The following STK17A variants were observed in gnomAD, a reference collection of about 807,000 sequenced individuals.
STK17A encodes the protein serine/threonine kinase 17a.
In STK17A, 26 loss-of-function variants were observed where a neutral mutation model predicts 43.7. The observed-to-expected ratio is 0.60, with a 90% confidence interval of 0.44 to 0.83. The LOEUF (loss-of-function observed/expected upper bound fraction) is 0.83, where lower values mean the gene tolerates loss of function less well. Ranked by LOEUF, STK17A falls within the 40% of genes least tolerant of loss-of-function variation. The pLI is 0.00. For missense variants in STK17A, 476 were observed against 511.6 expected (o/e 0.93, Z 0.67); for synonymous variants, 191 against 182.5 (o/e 1.05, Z -0.38).
rs1247326959 is a variant in STK17A at position 43,583,328 on chromosome 7, GGGCCGTGCC to G, written c.91_99del (p.Cys31_Pro33del). 8 of 1,450,302 alleles carry G rather than the reference GGGCCGTGCC, an allele frequency of 5.5e-6. No homozygotes were observed. The highest frequency in any genetic ancestry group is 7.3e-6 in the Non-Finnish European group (8 of 1,100,692). 89.8% of individuals were successfully genotyped at this position (1,450,302 alleles called of 1,614,324 possible). ...GGGCCGGGCAGGCCGGGGTCTGAGC[GGGCCGTGCC>G]GGCCGCCGCCGCCGCCCCAGGCCCG... On this transcript the variant is annotated inframe_deletion, in exon 1 of 7. Transcript: ENST00000319357.
At position 43,626,888 on chromosome 7, in the gene STK17A, CTT is replaced by C. The variant is rs2084610535; in HGVS notation, c.*2051_*2052del. 1 of 152,078 alleles carries C rather than the reference CTT, an allele frequency of 6.6e-6. No homozygotes were observed. Among genetic ancestry groups the C allele is most frequent in the Non-Finnish European group, 1.5e-5 (1 of 68,026 alleles). The allele number at this position is 152,078 out of a possible 1,614,324, so 9.4% of individuals were successfully genotyped here. A position where few individuals can be genotyped will look rare whatever the true frequency, so the allele number is the denominator to read the frequency against. ...TGCTTAAATACTGAGTCATAGGGTG[CTT>C]TTTTAAGAGGCCCTTCAGAATATAC... On this transcript the variant is annotated 3_prime_UTR_variant, in exon 7 of 7. Transcript: ENST00000319357.
In STK17A at chr7:43,583,118, C is replaced by T. The variant is rs544220399; in HGVS notation, c.-126C>T. ...GGTAGTCTGCCTGCCGCAGTCCGAG[C>T]GCCGCGCTGGGGAGAGCGGGTGTTT... On this transcript the variant is annotated 5_prime_UTR_variant, in exon 1 of 7. Transcript: ENST00000319357. 6.6e-5 allele frequency: 67 copies of T among 1,022,636 alleles called. No individual in the cohort carries two copies. The African/African-American group carries it at 1.2e-3, about 18-fold the overall frequency. The allele number at this position is 1,022,636 out of a possible 1,614,324, so 63.3% of individuals were successfully genotyped here. A position where few individuals can be genotyped will look rare whatever the true frequency, so the allele number is the denominator to read the frequency against.
chr7:43,619,413 G>A (rs902798918), intron 3 of STK17A, among the ~76,000 whole-genome samples, 184 bp from the exon 4 acceptor site: 2 of 152,188 alleles, frequency 1.3e-5, no homozygotes, highest in Non-Finnish European at 2.9e-5. Context: ...GAAAATACAA[G>A]AGAGTACAGG....
rs528019930 is a variant in STK17A at position 43,620,940 on chromosome 7, A to C, written c.691+1217A>C. Among the ~76,000 whole-genome samples, 13 of 152,224 alleles carry C rather than the reference A, an allele frequency of 8.5e-5. No homozygotes were observed. In the East Asian group the frequency reaches 2.3e-3, roughly 27 times the overall value. On this transcript the variant is annotated intron_variant, in intron 4 of 6. Coordinates refer to ENST00000319357, the MANE Select transcript of STK17A (RefSeq NM_004760.3). ...GGAAGACTCTGTGCCTGAGGGTAGA[A>C]GTGTGAAGTGAGCAAATACAGGCTA...
chr7:43,591,029 C>T (rs1480462422), intron 1 of STK17A, among the ~76,000 whole-genome samples: 5 of 151,480 alleles, frequency 3.3e-5, no homozygotes, highest in Non-Finnish European at 4.4e-5. Flanking sequence ...TTCTCTGACT[C>T]CTCCTTGAGT....
Position 43,626,924 on chromosome 7 carries a change from G to A in STK17A, c.*2082G>A, listed in dbSNP as rs1461779250. On this transcript the variant is annotated 3_prime_UTR_variant, in exon 7 of 7. Transcript: ENST00000319357. Reference sequence around the variant, plus strand: ...GGCCCTTCAGAATATACTTGTAAAGGTGTATTGGCATTTTTTGGTTTATAA... The same window carrying A: ...GGCCCTTCAGAATATACTTGTAAAGATGTATTGGCATTTTTTGGTTTATAA... 1 of 152,114 alleles carries A rather than the reference G, an allele frequency of 6.6e-6. No homozygotes were observed. Among genetic ancestry groups the A allele is most frequent in the Non-Finnish European group, 1.5e-5 (1 of 68,028 alleles). The allele number at this position is 152,114 out of a possible 1,614,324, so 9.4% of individuals were successfully genotyped here. A position where few individuals can be genotyped will look rare whatever the true frequency, so the allele number is the denominator to read the frequency against.
chr7:43,596,551 G>A (rs2082516715), intron 2 of STK17A, among the ~76,000 whole-genome samples: 1 of 152,074 alleles, frequency 6.6e-6, no homozygotes, highest in Admixed American at 6.6e-5. Flanking sequence ...AAAAATGAAG[G>A]ACTGTTCTTT....
rs747998899 is a variant in STK17A at position 43,619,563 on chromosome 7, ATATTGATTTT to A, written c.565-32_565-23del. On this transcript the variant is annotated intron_variant, in intron 3 of 6. Transcript: ENST00000319357. ...ATGTTTTGTGTACTTAATCATAGTTATATTGATTTTTGCGGGGGTGTATTTTCTTTTAGCC... is the reference window on the plus strand; with the variant it reads ...ATGTTTTGTGTACTTAATCATAGTTATGCGGGGGTGTATTTTCTTTTAGCC... The A allele has an allele frequency of 1.1e-5, 17 of 1,606,918 alleles. No homozygotes were observed. The South Asian group carries it at 1.6e-4, about 15-fold the overall frequency.
rs71011933 is a variant in STK17A, at chr7:43,606,916, C to CTTTTTTTTTT, written c.420-1325_420-1316dup. 1.0e-3 allele frequency among the ~76,000 whole-genome samples: 65 copies of CTTTTTTTTTT among 62,626 alleles called. 1 individual carries two copies. The highest frequency in any genetic ancestry group is 1.5e-3 in the African/African-American group (18 of 12,148). The allele number at this position is 62,626 out of a possible 152,430, so 41.1% of individuals were successfully genotyped here. ...TCACTCAATCTAGCTTTTCGATTTT[C>CTTTTTTTTTT]TTTTTTTTTTTTTTTTTTTTTTTTG... On this transcript the variant is annotated intron_variant, in intron 2 of 6. Transcript: ENST00000319357.
At chr7:43,615,296 C>G (rs954547940) in intron 3 of STK17A, among the ~76,000 whole-genome samples, 1 of 152,150 alleles carries the variant, frequency 6.6e-6, no homozygotes, top group African/African-American at 2.4e-5. Context: ...CCACCTCGGC[C>G]TCCCAAGTAG....
intron 3 of STK17A, among the ~76,000 whole-genome samples, chr7:43,612,258 A>G (rs1007000184): frequency 1.1e-4 from 17 of 152,124 alleles, no homozygotes; most frequent in African/African-American, 3.4e-4. Flanking sequence ...ATGCCCCTCC[A>G]TGTGCAGTCA....
chr7:43,606,729 G>T (rs1279741022), intron 2 of STK17A, among the ~76,000 whole-genome samples: 3 of 151,962 alleles, frequency 2.0e-5, no homozygotes, highest in Non-Finnish European at 4.4e-5. Flanking sequence ...TAACATCTCA[G>T]ATTGTTCTTT....
chr7:43,607,647 CAAAAAAAAAAAA>C (rs760624386), intron 2 of STK17A, among the ~76,000 whole-genome samples: 16 of 54,358 alleles, frequency 2.9e-4, no homozygotes, highest in Admixed American at 8.9e-4. Context: ...GACTCCGTCT[CAAAAAAAAAAAA>C]AAAAAAAAAA....
At chr7:43,592,448 A>C (rs2082486264) in intron 1 of STK17A, among the ~76,000 whole-genome samples, 1 of 143,002 alleles carries the variant, frequency 7.0e-6, no homozygotes, top group Non-Finnish European at 1.6e-5. Flanking sequence ...TGATAAAAAC[A>C]TGGAGGACAT....
intron 1 of STK17A, among the ~76,000 whole-genome samples, chr7:43,588,598 T>C (rs2082459204): frequency 1.3e-5 from 2 of 151,432 alleles, no homozygotes; most frequent in Non-Finnish European, 3.0e-5. Flanking sequence ...CCCAGCACTT[T>C]AGGAGGCCAA....
chr7:43,612,917 G>A (rs757899114), intron 3 of STK17A, among the ~76,000 whole-genome samples: 9 of 152,190 alleles, frequency 5.9e-5, no homozygotes, highest in Non-Finnish European at 7.4e-5. Context: ...AAACCCATTC[G>A]TTTAATATAT....
chr7:43,587,262 C>A (rs1288568457), intron 1 of STK17A, among the ~76,000 whole-genome samples: 2 of 144,794 alleles, frequency 1.4e-5, no homozygotes, highest in South Asian at 4.3e-4. Flanking sequence ...TCACGCCATT[C>A]TCCTGCCTCA....
chr7:43,598,352 C>G (rs760181178), intron 2 of STK17A, among the ~76,000 whole-genome samples: 1 of 151,826 alleles, frequency 6.6e-6, no homozygotes, highest in African/African-American at 2.4e-5. Context: ...CGCCTATAGT[C>G]CCAGCTACTC....
chr7:43,604,172 C>T (rs888321917), intron 2 of STK17A, among the ~76,000 whole-genome samples: 2 of 152,020 alleles, frequency 1.3e-5, no homozygotes, highest in African/African-American at 4.8e-5. Context: ...TTTATTTACA[C>T]TGTTTATAAA....
Sources: gnomAD v4.1 joint callset for allele counts (sites outside exome capture counted in the v4.1 genomes callset) on GRCh38, gnomAD v4.1.1 for gene constraint, MANE v1.5 for transcripts, NCBI Gene and HGNC (gene_info 2026-07-23, HGNC 2026-07-21) for gene names.